Variants in RBFOX1 observed in about 807,000 individuals in gnomAD.
RBFOX1 encodes the protein RNA binding protein fox-1 homolog 1.
RBFOX1 carries 8 observed loss-of-function variants against 57.7 expected under a neutral mutation model. That is an observed-to-expected ratio of 0.14 (90% CI 0.08 to 0.25). The LOEUF (loss-of-function observed/expected upper bound fraction) is 0.25, where lower values mean the gene tolerates loss of function less well. Ranked by LOEUF, RBFOX1 falls within the 10% of genes least tolerant of loss-of-function variation. RBFOX1 has a pLI of 1.00. For missense variants in RBFOX1, 611 were observed against 548.5 expected (o/e 1.11, Z -1.14); for synonymous variants, 326 against 222.4 (o/e 1.47, Z -4.15).
chr16:5,452,628 A>G (rs1170677709), intron 1 of RBFOX1, among the ~76,000 whole-genome samples: 2 of 151,714 alleles, frequency 1.3e-5, no homozygotes, highest in Non-Finnish European at 2.9e-5. Context: ...ACCTTTCTGA[A>G]AAGTAAACCA....
chr16:6,519,987 C>G (rs2096467077), intron 2 of RBFOX1, among the ~76,000 whole-genome samples: 1 of 152,170 alleles, frequency 6.6e-6, no homozygotes, highest in Admixed American at 6.5e-5. Context: ...AACTATCAGT[C>G]TGTCTTCCTT....
At chr16:7,282,388 C>G (rs1176083182) in intron 4 of RBFOX1, among the ~76,000 whole-genome samples, 2 of 152,110 alleles carry the variant, frequency 1.3e-5, no homozygotes, top group African/African-American at 2.4e-5. Context: ...GAAACTCACC[C>G]TGTATGAAGA....
At chr16:5,514,979 T>C (rs1461013625) in intron 2 of RBFOX1, among the ~76,000 whole-genome samples, 5 of 152,094 alleles carry the variant, frequency 3.3e-5, no homozygotes, top group Admixed American at 3.3e-4. Context: ...CTTTTACTCA[T>C]GGTGGAAGGT....
intron 3 of RBFOX1, among the ~76,000 whole-genome samples, chr16:6,849,191 A>G (rs2141885748): frequency 6.6e-6 from 1 of 152,340 alleles, no homozygotes; most frequent in South Asian, 2.1e-4. Context: ...ATGTAGAGGA[A>G]AAATTATCCA....
intron 1 of RBFOX1, among the ~76,000 whole-genome samples, chr16:6,166,875 G>C (rs1265054010): frequency 6.6e-6 from 1 of 152,134 alleles, no homozygotes; most frequent in African/African-American, 2.4e-5. Context: ...CCGGGTTCAA[G>C]CAATTCTTCC....
intron 4 of RBFOX1, among the ~76,000 whole-genome samples, chr16:7,413,815 A>C (rs1302798166): frequency 3.3e-5 from 5 of 152,138 alleles, no homozygotes; most frequent in African/African-American, 1.2e-4. Flanking sequence ...ACCTCTCATG[A>C]AGCCCATGAA....
intron 6 of RBFOX1, among the ~76,000 whole-genome samples, chr16:7,584,641 C>T (rs571317859): frequency 3.3e-5 from 5 of 152,204 alleles, no homozygotes; most frequent in East Asian, 1.9e-4. Flanking sequence ...GGATTTGAGG[C>T]GTTGTTGAAT....
chr16:6,670,565 G>A (rs911904340), intron 3 of RBFOX1, among the ~76,000 whole-genome samples: 3 of 152,076 alleles, frequency 2.0e-5, no homozygotes, highest in Non-Finnish European at 4.4e-5. Flanking sequence ...TAAACACCCG[G>A]TAATACCTTT....
At chr16:7,647,581 G>T (rs931139344) in intron 11 of RBFOX1, among the ~76,000 whole-genome samples, 4 of 151,928 alleles carry the variant, frequency 2.6e-5, no homozygotes, top group African/African-American at 7.3e-5. Context: ...CAGTGCTGGG[G>T]TTTAGAAATG....
chr16:7,568,594 T>C (rs1048159471), intron 5 of RBFOX1, among the ~76,000 whole-genome samples: 3 of 152,068 alleles, frequency 2.0e-5, no homozygotes, highest in Non-Finnish European at 4.4e-5. Flanking sequence ...TGACTTAGAT[T>C]GCCTTAACTG....
chr16:6,530,001 C>T (rs1277009573), intron 2 of RBFOX1, among the ~76,000 whole-genome samples: 1 of 152,118 alleles, frequency 6.6e-6, no homozygotes, highest in Non-Finnish European at 1.5e-5. Flanking sequence ...GATATAGTCT[C>T]AATGGGTATT....
rs1247558006 is a variant in RBFOX1, at chr16:6,483,595, A to G, written c.-64+166538A>G. 9.5e-6 allele frequency: 12 copies of G among 1,263,378 alleles called. No homozygotes were observed. The Admixed American group carries it at 1.9e-4, about 20-fold the overall frequency. 78.3% of individuals were successfully genotyped at this position (1,263,378 alleles called of 1,614,324 possible). ...AACACTGTCAGGGAAGGAGAGAAAGAGGGAGAGAGGGAGGGAGGGAAGGGA... is the reference window on the plus strand; with the variant it reads ...AACACTGTCAGGGAAGGAGAGAAAGGGGGAGAGAGGGAGGGAGGGAAGGGA... On this transcript the variant is annotated intron_variant, in intron 2 of 15. Coordinates refer to ENST00000550418, the MANE Select transcript of RBFOX1 (RefSeq NM_018723.4).
rs116195730 is a variant in RBFOX1, at chr16:5,641,201, C to T, written c.318+42240C>T. On this transcript the variant is annotated intron_variant, in intron 3 of 19. Coordinates refer to the RBFOX1 transcript ENST00000641259. ...ATGGATACACACAGGCACACACATG[C>T]ACACCATGCATACATACATGCATGC... is the stretch of plus-strand genomic sequence containing the variant. 7.3e-3 allele frequency among the ~76,000 whole-genome samples: 1,113 copies of T among 152,228 alleles called. 11 individuals are homozygous for T. The highest frequency in any genetic ancestry group is 0.025 in the African/African-American group (1,056 of 41,528).
chr16:7,105,938 C>G (rs1291545263), intron 4 of RBFOX1, among the ~76,000 whole-genome samples: 1 of 152,080 alleles, frequency 6.6e-6, no homozygotes, highest in Non-Finnish European at 1.5e-5. Flanking sequence ...GGAAGGAAAG[C>G]AATTGTTCTT....
At chr16:6,098,530 C>G (rs1342292703) in intron 1 of RBFOX1, among the ~76,000 whole-genome samples, 1 of 152,216 alleles carries the variant, frequency 6.6e-6, no homozygotes, top group Non-Finnish European at 1.5e-5. Flanking sequence ...TGGAATAATT[C>G]TAAGTCAAGA....
intron 7 of RBFOX1, among the ~76,000 whole-genome samples, chr16:7,589,320 C>A (rs564309400): frequency 6.6e-5 from 10 of 152,166 alleles, no homozygotes; most frequent in African/African-American, 2.4e-4. Flanking sequence ...TGTTTAATTC[C>A]TTCTGAGAGC....
chr16:7,482,782 C>G (rs775127710), intron 4 of RBFOX1, among the ~76,000 whole-genome samples: 38 of 151,882 alleles, frequency 2.5e-4, no homozygotes, highest in Non-Finnish European at 5.0e-4. Flanking sequence ...CCCTGCCTAC[C>G]CACCTCTATG....
At chr16:6,895,881 CTCT>C (rs778489523) in intron 3 of RBFOX1, among the ~76,000 whole-genome samples, 38 of 151,894 alleles carry the variant, frequency 2.5e-4, no homozygotes, top group Non-Finnish European at 4.9e-4. Context: ...AGTACTCATC[CTCT>C]TATGTCATCT....
chr16:6,408,165 CTGT>C (rs558326047), intron 2 of RBFOX1, among the ~76,000 whole-genome samples: 9 of 152,284 alleles, frequency 5.9e-5, no homozygotes, highest in African/African-American at 2.2e-4. Context: ...ACATGCATTT[CTGT>C]TGTTAATAAG....
Sources: allele counts gnomAD v4.1 joint callset (sites outside exome capture counted in the v4.1 genomes callset), GRCh38; gene constraint gnomAD v4.1.1; transcripts MANE v1.5; gene names NCBI Gene and HGNC (gene_info 2026-07-23, HGNC 2026-07-21).